Variants in AGMO observed in about 807,000 individuals in gnomAD.
AGMO encodes the protein alkylglycerol monooxygenase.
In AGMO, 75 loss-of-function variants were observed where a neutral mutation model predicts 60.2. That is an observed-to-expected ratio of 1.25 (90% CI 1.03 to 1.51). The LOEUF is 1.51. Ranked by LOEUF, AGMO falls within the 40% of genes most tolerant of loss-of-function variation. The pLI is 0.00. For missense variants in AGMO, 763 were observed against 525.5 expected, an observed-to-expected ratio of 1.45 and a Z score of -4.42; for synonymous variants, 261 against 177.1, an observed-to-expected ratio of 1.47 and a Z score of -3.76.
the AGMO span, among the ~76,000 whole-genome samples, chr7:15,159,808 G>C: frequency 4.6e-5 from 7 of 152,108 alleles, no homozygotes; most frequent in African/African-American, 1.7e-4. Context: ...CGATTCTCAA[G>C]GTCCAATCGG....
chr7:15,373,647 G>A (rs904675480), intron 10 of AGMO, among the ~76,000 whole-genome samples: 4 of 152,058 alleles, frequency 2.6e-5, no homozygotes, highest in Non-Finnish European at 5.9e-5. Context: ...CACAAAGGAG[G>A]TATCAAACTC....
intron 12 of AGMO, among the ~76,000 whole-genome samples, chr7:15,283,804 C>T (rs563599844): frequency 2.0e-5 from 3 of 152,054 alleles, no homozygotes; most frequent in African/African-American, 4.8e-5. Context: ...ATGGAGCAGT[C>T]TCCAAGATAG....
intron 12 of AGMO, among the ~76,000 whole-genome samples, chr7:15,342,919 A>C (rs1347413056): frequency 6.6e-6 from 1 of 152,012 alleles, no homozygotes; most frequent in Non-Finnish European, 1.5e-5. Flanking sequence ...AGGTACTAAA[A>C]GGCTTCTCTG....
At chr7:15,227,024 C>G (rs1238290319) in intron 12 of AGMO, among the ~76,000 whole-genome samples, 1 of 151,904 alleles carries the variant, frequency 6.6e-6, no homozygotes, top group Non-Finnish European at 1.5e-5. Context: ...TTGAAAAATC[C>G]AGACAAACGC....
At chr7:15,249,729 A>G (rs1245795536) in intron 12 of AGMO, among the ~76,000 whole-genome samples, 1 of 152,140 alleles carries the variant, frequency 6.6e-6, no homozygotes, top group Non-Finnish European at 1.5e-5. Flanking sequence ...TTGAAAGATG[A>G]GGTACATCTA....
intron 4 of AGMO, 23 bp from the exon 5 acceptor site, chr7:15,418,676 A>G (rs1780848269): frequency 7.1e-7 from 1 of 1,417,832 alleles, no homozygotes; most frequent in Admixed American, 2.2e-5. Flanking sequence ...ATTAAAAAAA[A>G]ATTAATTTGC....
At chr7:15,465,587 A>G (rs894048212) in intron 3 of AGMO, among the ~76,000 whole-genome samples, 9 of 137,146 alleles carry the variant, frequency 6.6e-5, no homozygotes, top group African/African-American at 2.3e-4. Context: ...ACGTCCGGCT[A>G]ATTATATATA....
the AGMO span, among the ~76,000 whole-genome samples, chr7:15,194,834 C>G: frequency 6.6e-6 from 1 of 152,100 alleles, no homozygotes; most frequent in Admixed American, 6.5e-5. Flanking sequence ...TTTAGATGAT[C>G]TCCAATACCC....
intron 12 of AGMO, among the ~76,000 whole-genome samples, chr7:15,212,258 ACACAC>A (rs1267078644): frequency 2.1e-5 from 2 of 94,324 alleles, no homozygotes; most frequent in Admixed American, 1.2e-4. Context: ...ACACACACAC[ACACAC>A]ACACACACAC....
intron 12 of AGMO, among the ~76,000 whole-genome samples, chr7:15,277,345 ATAAATAAAT>A (rs1563066511): frequency 6.9e-6 from 1 of 144,116 alleles, no homozygotes; most frequent in African/African-American, 2.8e-5. Flanking sequence ...AAATAAATAA[ATAAATAAAT>A]TATGTGTCAT....
chr7:15,270,392 CAT>C (rs1210149059), intron 12 of AGMO, among the ~76,000 whole-genome samples: 1 of 151,972 alleles, frequency 6.6e-6, no homozygotes, highest in South Asian at 2.1e-4. Context: ...TGAGCATTTT[CAT>C]ATGTTTGTTG....
At chr7:15,342,359 A>G (rs1025320192) in intron 12 of AGMO, among the ~76,000 whole-genome samples, 1 of 151,880 alleles carries the variant, frequency 6.6e-6, no homozygotes, top group Non-Finnish European at 1.5e-5. Flanking sequence ...GCTGCTCCAA[A>G]ATTAAATTGA....
At chr7:15,257,054 A>T (rs778790583) in intron 12 of AGMO, among the ~76,000 whole-genome samples, 1 of 152,212 alleles carries the variant, frequency 6.6e-6, no homozygotes, top group Non-Finnish European at 1.5e-5. Context: ...AAAATGAAAG[A>T]ATGATAAAAG....
intron 3 of AGMO, among the ~76,000 whole-genome samples, chr7:15,515,925 T>A (rs868272825): frequency 1.6e-4 from 24 of 152,242 alleles, no homozygotes; most frequent in Middle Eastern, 6.8e-3. Flanking sequence ...GGATATAAAA[T>A]TTCAGTTAGA....
At chr7:15,272,945 T>C (rs1258397450) in intron 12 of AGMO, among the ~76,000 whole-genome samples, 3 of 152,214 alleles carry the variant, frequency 2.0e-5, no homozygotes, top group African/African-American at 2.4e-5. Flanking sequence ...TTTCGAGAAG[T>C]GTCTGTTCAT....
intron 5 of AGMO, among the ~76,000 whole-genome samples, chr7:15,418,104 T>G (rs1259583816): frequency 6.6e-6 from 1 of 152,094 alleles, no homozygotes; most frequent in Non-Finnish European, 1.5e-5. Flanking sequence ...TCTCTGTAGT[T>G]AGAGCAAGTT....
the AGMO span, among the ~76,000 whole-genome samples, chr7:15,184,381 A>AAGGGAGGGAGGGAAGGAAGGG: frequency 3.2e-3 from 108 of 33,522 alleles, 32 homozygotes; most frequent in East Asian, 5.8e-3. Flanking sequence ...GGAAGGAAGG[A>AAGGGAGGGAGGGAAGGAAGGG]AGGAAAGAAG....
intron 3 of AGMO, among the ~76,000 whole-genome samples, chr7:15,513,309 G>A (rs1461975973): frequency 9.5e-6 from 1 of 105,400 alleles, no homozygotes; most frequent in Admixed American, 1.0e-4. Flanking sequence ...ACAAAATGTT[G>A]TGGATACACC....
At chr7:15,190,240 T>G in the AGMO span, among the ~76,000 whole-genome samples, 1 of 137,264 alleles carries the variant, frequency 7.3e-6, no homozygotes, top group African/African-American at 2.6e-5. Context: ...TTTATATATA[T>G]ATATATATAT....
Sources: gnomAD v4.1 joint callset for allele counts (sites outside exome capture counted in the v4.1 genomes callset) on GRCh38, gnomAD v4.1.1 for gene constraint, MANE v1.5 for transcripts, NCBI Gene and HGNC (gene_info 2026-07-23, HGNC 2026-07-21) for gene names.